MICAL3: variants seen among roughly 807,000 people sequenced by gnomAD.
The protein encoded by MICAL3 is microtubule associated monooxygenase, calponin and LIM domain containing 3.
A neutral mutation model predicts 207.4 loss-of-function variants in MICAL3; 62 were observed. That is an observed-to-expected ratio of 0.30 (90% CI 0.24 to 0.37). MICAL3 has a LOEUF of 0.37. MICAL3 is among the 10% of genes least tolerant of loss of function. MICAL3 has a pLI of 1.00. For missense variants in MICAL3, 2,368 were observed against 2,635.6 expected (o/e 0.90, Z 2.22); for synonymous variants, 1,077 against 1,069.3 (o/e 1.01, Z -0.14).
At chr22:17,795,654 CA>C (rs1442195130) in intron 29 of MICAL3, among the ~76,000 whole-genome samples, 4 of 152,154 alleles carry the variant, frequency 2.6e-5, no homozygotes, top group Non-Finnish European at 4.4e-5. Flanking sequence ...TTAAAGAAGC[CA>C]AAAAGGCTTT....
At chr22:17,948,620 T>C (rs1174947931) in intron 1 of MICAL3, among the ~76,000 whole-genome samples, 8 of 152,128 alleles carry the variant, frequency 5.3e-5, no homozygotes, top group Non-Finnish European at 1.0e-4. Flanking sequence ...TTTTGTCCCT[T>C]TTAAAAACAA....
chr22:18,023,493 T>G (rs562084480), intron 1 of MICAL3, among the ~76,000 whole-genome samples: 2 of 152,232 alleles, frequency 1.3e-5, no homozygotes, highest in African/African-American at 4.8e-5. Context: ...AGAAAGCATT[T>G]TAGGGAGGAG....
At chr22:17,982,235 G>A (rs747698339) in intron 1 of MICAL3, among the ~76,000 whole-genome samples, 2 of 152,220 alleles carry the variant, frequency 1.3e-5, no homozygotes, top group Admixed American at 6.5e-5. Context: ...GCACAGCCCC[G>A]CAGTGGCTTC....
intron 1 of MICAL3, among the ~76,000 whole-genome samples, chr22:17,990,339 T>A (rs1367011405): frequency 2.0e-5 from 3 of 152,068 alleles, no homozygotes; most frequent in Non-Finnish European, 4.4e-5. Flanking sequence ...GGACCCAGCA[T>A]GCTCCCCTGA....
chr22:17,963,660 A>T (rs1204590764), intron 1 of MICAL3, among the ~76,000 whole-genome samples: 1 of 152,134 alleles, frequency 6.6e-6, no homozygotes, highest in Non-Finnish European at 1.5e-5. Context: ...CGTGCTCCAT[A>T]AGCCATAGGA....
At chr22:17,848,099 G>A (rs1008505210) in intron 19 of MICAL3, among the ~76,000 whole-genome samples, 1 of 152,330 alleles carries the variant, frequency 6.6e-6, no homozygotes, top group Non-Finnish European at 1.5e-5. Flanking sequence ...ATGTAAGGAA[G>A]AGAAATGTGA....
chr22:17,988,074 CAGGG>C (rs1921231021), intron 1 of MICAL3, among the ~76,000 whole-genome samples: 1 of 152,126 alleles, frequency 6.6e-6, no homozygotes, highest in African/African-American at 2.4e-5. Flanking sequence ...GCACTGCCCC[CAGGG>C]AGACATGGGG....
intron 13 of MICAL3, among the ~76,000 whole-genome samples, chr22:17,888,739 T>A (rs1930140770): frequency 6.6e-6 from 1 of 152,204 alleles, no homozygotes; most frequent in Non-Finnish European, 1.5e-5. Flanking sequence ...TCAAAAAGGC[T>A]GGCTCTGAGA....
At position 17,887,482 on chromosome 22, in the gene MICAL3, C is replaced by T. The variant is rs533608424; in HGVS notation, c.1892-47G>A. The T allele has an allele frequency of 5.9e-5, 80 of 1,361,040 alleles. 2 individuals carry two copies. The highest frequency in any genetic ancestry group is 3.7e-4 in the African/African-American group (26 of 69,692). The allele number at this position is 1,361,040 out of a possible 1,614,324, so 84.3% of individuals were successfully genotyped here. A position where few individuals can be genotyped will look rare whatever the true frequency, so the allele number is the denominator to read the frequency against. ...GTTCAAGCACAGCCCTTGAGGGCGC[C>T]GCAAAATCCTGACCAAAACTACTCT... On this transcript the variant is annotated intron_variant, in intron 13 of 31. Transcript: ENST00000441493.
At chr22:17,847,219 G>C (rs760930154) in intron 19 of MICAL3, among the ~76,000 whole-genome samples, 2 of 152,180 alleles carry the variant, frequency 1.3e-5, no homozygotes, top group Non-Finnish European at 2.9e-5. Flanking sequence ...CGCTGAGAAG[G>C]GTGTCGCGTA....
chr22:17,803,735 G>T, intron 29 of MICAL3: 1 of 717,388 alleles, frequency 1.4e-6, no homozygotes, highest in Non-Finnish European at 1.7e-6. Flanking sequence ...TTGTTTTTGT[G>T]AGCAGGGACT....
Position 17,889,211 on chromosome 22 carries a change from C to T in MICAL3, c.1714G>A (p.Glu572Lys). 1 of 1,611,790 alleles carries T rather than the reference C, an allele frequency of 6.2e-7. No individual in the cohort carries two copies. Among genetic ancestry groups the T allele is most frequent in the Non-Finnish European group, 8.5e-7 (1 of 1,178,090 alleles). ...TGGTTATTCTTCTCCACATTTTGCTCATCCAAAGAATCAAAATCTCTGAGA... is the reference window on the plus strand; with the variant it reads ...TGGTTATTCTTCTCCACATTTTGCTTATCCAAAGAATCAAAATCTCTGAGA... The part of the protein sequence containing the change: ...PDLIDFDSLD[E>K]QNVEKNNQLA... Residue 572 changes from glutamate (E) to lysine (K), a missense_variant, in exon 13 of 32, where the codon GAG becomes AAG. Coordinates refer to ENST00000441493, the MANE Select transcript of MICAL3 (RefSeq NM_015241.3).
Position 17,973,434 on chromosome 22 carries a change from T to C in MICAL3, c.-75+50847A>G, listed in dbSNP as rs374269256. Among the ~76,000 whole-genome samples the C allele has an allele frequency of 3.3e-5, 5 of 152,272 alleles. No homozygotes were observed. The East Asian group carries it at 9.6e-4, about 29-fold the overall frequency. On this transcript the variant is annotated intron_variant, in intron 1 of 31. Coordinates refer to ENST00000441493, the MANE Select transcript of MICAL3 (RefSeq NM_015241.3). ...AACAGGGCCTGGGACACCGGCTTGA[T>C]CATCATGAGGCCCAGGACGGAGCCA... is the stretch of plus-strand genomic sequence containing the variant.
At chr22:18,014,750 T>C (rs896631840) in intron 1 of MICAL3, among the ~76,000 whole-genome samples, 5 of 152,050 alleles carry the variant, frequency 3.3e-5, no homozygotes, top group Non-Finnish European at 5.9e-5. Flanking sequence ...TCCCAGCAAT[T>C]TGGGAGGCTG....
chr22:17,816,927 G>A, intron 26 of MICAL3, 143 bp from the exon 27 acceptor site: 1 of 706,840 alleles, frequency 1.4e-6, no homozygotes, highest in Admixed American at 2.5e-5. Flanking sequence ...CCCCATCCTG[G>A]GGAGCCAGGA....
rs146961749 is a variant in MICAL3, at chr22:17,847,171, G to A, written c.2606-5154C>T. ...GTGGTGGCAAAGCCCCCCTGTACTC[G>A]GCACAGCAGCTGCTGAAGACACTTC... is the stretch of plus-strand genomic sequence containing the variant. On this transcript the variant is annotated intron_variant, in intron 19 of 31. Transcript: ENST00000441493. 1.8e-3 allele frequency among the ~76,000 whole-genome samples: 272 copies of A among 152,206 alleles called. 1 individual carries two copies. Among genetic ancestry groups the A allele is most frequent in the Middle Eastern group, 6.8e-3 (2 of 294 alleles).
intron 17 of MICAL3, among the ~76,000 whole-genome samples, chr22:17,868,681 A>T (rs1438513321): frequency 6.6e-6 from 1 of 151,350 alleles, no homozygotes; most frequent in Non-Finnish European, 1.5e-5. Context: ...GAATCCTGAT[A>T]ACTGAATATG....
In MICAL3 at chr22:17,976,653, G is replaced by A. The variant is rs1457997849; in HGVS notation, c.-75+47628C>T. 2.1e-5 allele frequency among the ~76,000 whole-genome samples: 3 copies of A among 140,474 alleles called. No homozygotes were observed. The East Asian group carries it at 6.2e-4, about 29-fold the overall frequency. The allele number at this position is 140,474 out of a possible 152,430, so 92.2% of individuals were successfully genotyped here. A position where few individuals can be genotyped will look rare whatever the true frequency, so the allele number is the denominator to read the frequency against. Reference sequence around the variant, plus strand: ...CGCCCAGGCTGGAGTACACTGGCGCGATCTCGGCTCACTACAAGCTTTAAA... The same window carrying A: ...CGCCCAGGCTGGAGTACACTGGCGCAATCTCGGCTCACTACAAGCTTTAAA... On this transcript the variant is annotated intron_variant, in intron 1 of 31. Coordinates refer to ENST00000441493, the MANE Select transcript of MICAL3 (RefSeq NM_015241.3).
At position 17,906,533 on chromosome 22, in the gene MICAL3, C is replaced by A. The variant is rs886826266; in HGVS notation, c.264+16G>T. 5 of 1,612,184 alleles carry A rather than the reference C, an allele frequency of 3.1e-6. No individual in the cohort carries two copies. In the African/African-American group the frequency reaches 4.0e-5, roughly 13 times the overall value. ...TCTCGTCAGTGACCCCAGGGCCCAA[C>A]AGGAGCAAAGCTTACCTTGGTGTTA... On this transcript the variant is annotated intron_variant, in intron 2 of 31. Transcript: ENST00000441493.
Sources: allele counts gnomAD v4.1 joint callset (sites outside exome capture counted in the v4.1 genomes callset), GRCh38; gene constraint gnomAD v4.1.1; transcripts MANE v1.5; gene names NCBI Gene and HGNC (gene_info 2026-07-23, HGNC 2026-07-21).